SNX4: variants seen among roughly 807,000 people sequenced by gnomAD.
SNX4 encodes sorting nexin 4, also known as sorting nexin-4.
In SNX4, 49 loss-of-function variants were observed where a neutral mutation model predicts 70.8. The ratio of observed to expected loss-of-function variants is 0.69; its 90% confidence interval spans 0.55 to 0.88. SNX4 has a LOEUF of 0.88. SNX4 is among the 40% of genes least tolerant of loss of function. SNX4 has a pLI of 0.00. For synonymous variants in SNX4, 206 were observed against 183.8 expected (o/e 1.12, Z -0.98); for missense variants, 528 against 544.8 (o/e 0.97, Z 0.31).
At chr3:125,501,672 T>A (rs549278135) in intron 2 of SNX4, among the ~76,000 whole-genome samples, 67 of 152,194 alleles carry the variant, frequency 4.4e-4, no homozygotes, top group Non-Finnish European at 3.2e-4. Context: ...AGCTGGACCT[T>A]TAAATAAAAA....
chr3:125,490,035 A>G (rs1216691486), intron 5 of SNX4, among the ~76,000 whole-genome samples: 7 of 152,082 alleles, frequency 4.6e-5, no homozygotes, highest in Non-Finnish European at 4.4e-5. Flanking sequence ...AGTCTGAGGC[A>G]GGAGAGTCGC....
chr3:125,509,818 C>G (rs1387672177), intron 1 of SNX4, among the ~76,000 whole-genome samples: 1 of 137,704 alleles, frequency 7.3e-6, no homozygotes. Flanking sequence ...AGGACTTGAA[C>G]AGACATTTAT....
chr3:125,495,774 A>G (rs1012815191), intron 5 of SNX4, among the ~76,000 whole-genome samples: 1 of 152,178 alleles, frequency 6.6e-6, no homozygotes, highest in Non-Finnish European at 1.5e-5. Flanking sequence ...GAATTTTTAA[A>G]TTTTTTGTTA....
At chr3:125,508,350 G>A (rs186400244) in intron 1 of SNX4, among the ~76,000 whole-genome samples, 4 of 152,192 alleles carry the variant, frequency 2.6e-5, no homozygotes, top group East Asian at 1.9e-4. Context: ...GGCGGATCAC[G>A]AGGTCAGGAG....
At chr3:125,450,827 A>G (rs1933551964) in intron 13 of SNX4, among the ~76,000 whole-genome samples, 1 of 152,220 alleles carries the variant, frequency 6.6e-6, no homozygotes. Flanking sequence ...CAAAGCATAT[A>G]CCTGGAATGG....
Position 125,519,949 on chromosome 3 carries a change from GCCCA to G in SNX4, c.141+79_141+82del, listed in dbSNP as rs1580018098. ...CGGCCGAGCCCACTGGCCCGGCCCG[GCCCA>G]GCCCAGCCCAGCCCAGCCCAGCCCG... is the stretch of plus-strand genomic sequence containing the variant. On this transcript the variant is annotated intron_variant, in intron 1 of 13. Transcript: ENST00000251775. 2.9e-6 allele frequency: 3 copies of G among 1,049,132 alleles called. No homozygotes were observed. The East Asian group carries it at 1.2e-4, about 41-fold the overall frequency. 65.0% of individuals were successfully genotyped at this position (1,049,132 alleles called of 1,614,324 possible).
At position 125,476,774 on chromosome 3, in the gene SNX4, T is replaced by C. The variant is rs771315333; in HGVS notation, c.727-18A>G. On this transcript the variant is annotated intron_variant, in intron 7 of 13. Coordinates refer to ENST00000251775, the MANE Select transcript of SNX4 (RefSeq NM_003794.4). ...GCTACTCTCTGAAATAAATATTTAATAGAAATTGCTTTTAGGTCAAAGTTA... is the reference window on the plus strand; with the variant it reads ...GCTACTCTCTGAAATAAATATTTAACAGAAATTGCTTTTAGGTCAAAGTTA... The C allele has an allele frequency of 4.7e-6, 7 of 1,502,468 alleles. No homozygotes were observed. Among genetic ancestry groups the C allele is most frequent in the Non-Finnish European group, 1.8e-6 (2 of 1,092,910 alleles). 93.1% of individuals were successfully genotyped at this position (1,502,468 alleles called of 1,614,324 possible). A position where few individuals can be genotyped will look rare whatever the true frequency, so the allele number is the denominator to read the frequency against.
At chr3:125,452,545 G>A (rs1303694263) in intron 12 of SNX4, among the ~76,000 whole-genome samples, 2 of 152,148 alleles carry the variant, frequency 1.3e-5, no homozygotes, top group African/African-American at 4.8e-5. Context: ...TGGCACCACT[G>A]CACTCCGGCC....
intron 9 of SNX4, among the ~76,000 whole-genome samples, chr3:125,463,922 G>C (rs1462261470): frequency 1.3e-5 from 2 of 151,968 alleles, no homozygotes; most frequent in Admixed American, 6.6e-5. Flanking sequence ...TTAAAAAATA[G>C]TAAAGGCCTG....
At chr3:125,482,541 T>TAGA (rs1214532422) in intron 6 of SNX4, among the ~76,000 whole-genome samples, 2 of 152,008 alleles carry the variant, frequency 1.3e-5, no homozygotes. Context: ...ACTGGCCTCC[T>TAGA]AGCCCACTCC....
intron 10 of SNX4, among the ~76,000 whole-genome samples, chr3:125,459,109 G>A (rs1390397457): frequency 6.6e-6 from 1 of 152,134 alleles, no homozygotes; most frequent in African/African-American, 2.4e-5. Context: ...AGGAGGCAGA[G>A]GTGGCAGTGA....
intron 9 of SNX4, 25 bp from the exon 10 acceptor site, chr3:125,460,885 T>C (rs893236293): frequency 2.0e-6 from 2 of 981,630 alleles, no homozygotes; most frequent in Non-Finnish European, 3.0e-6. Flanking sequence ...AAAACACACA[T>C]TGCATAGAGT....
At chr3:125,514,484 T>C (rs1047929304) in intron 1 of SNX4, among the ~76,000 whole-genome samples, 1 of 150,326 alleles carries the variant, frequency 6.7e-6, no homozygotes, top group Non-Finnish European at 1.5e-5. Flanking sequence ...CTCCACCTCC[T>C]AGGTTCAAGC....
At chr3:125,499,207 T>C (rs1463909354) in intron 2 of SNX4, among the ~76,000 whole-genome samples, 2 of 152,218 alleles carry the variant, frequency 1.3e-5, no homozygotes, top group African/African-American at 2.4e-5. Flanking sequence ...TTAGGATTTC[T>C]TGCCAGCATA....
chr3:125,475,415 A>G (rs1478934721), intron 8 of SNX4, among the ~76,000 whole-genome samples: 1 of 152,028 alleles, frequency 6.6e-6, no homozygotes, highest in Non-Finnish European at 1.5e-5. Flanking sequence ...CCCAGGCTGG[A>G]GTGCACTGGT....
chr3:125,483,787 T>C (rs942553961), intron 6 of SNX4, among the ~76,000 whole-genome samples: 8 of 152,040 alleles, frequency 5.3e-5, no homozygotes, highest in Non-Finnish European at 1.0e-4. Flanking sequence ...AGGTGAAGAG[T>C]GAAAAATTCA....
intron 9 of SNX4, among the ~76,000 whole-genome samples, chr3:125,463,340 T>A (rs185430963): frequency 2.4e-3 from 371 of 152,278 alleles, no homozygotes; most frequent in African/African-American, 8.5e-3. Flanking sequence ...CTGGAAGAGT[T>A]AATGTGAAGA....
chr3:125,473,696 T>C (rs765067703), intron 8 of SNX4, among the ~76,000 whole-genome samples: 11 of 152,220 alleles, frequency 7.2e-5, no homozygotes, highest in Admixed American at 2.0e-4. Context: ...ATTACAGGCA[T>C]GAGCCACTGT....
chr3:125,451,155 C>A, intron 13 of SNX4, 150 bp downstream of exon 13: 4 of 430,812 alleles, frequency 9.3e-6, no homozygotes, highest in Admixed American at 4.0e-5. Flanking sequence ...CAAAATAAAA[C>A]AGAAATCCTA....
Sources: allele counts gnomAD v4.1 joint callset (sites outside exome capture counted in the v4.1 genomes callset), GRCh38; gene constraint gnomAD v4.1.1; transcripts MANE v1.5; gene names NCBI Gene and HGNC (gene_info 2026-07-23, HGNC 2026-07-21).